The following GAS7 variants were observed in gnomAD, a reference collection of about 807,000 sequenced individuals.
The protein encoded by GAS7 is growth arrest specific 7, also known as growth arrest-specific protein 7.
A neutral mutation model predicts 71.1 loss-of-function variants in GAS7; 28 were observed. That is an observed-to-expected ratio of 0.39 (90% CI 0.29 to 0.54). The LOEUF (loss-of-function observed/expected upper bound fraction) is 0.54, where lower values mean the gene tolerates loss of function less well. GAS7 is among the 20% of genes least tolerant of loss of function. The pLI is 0.62. For missense variants in GAS7, 436 were observed against 627.8 expected, an observed-to-expected ratio of 0.69 and a Z score of 3.27; for synonymous variants, 258 against 245.8, an observed-to-expected ratio of 1.05 and a Z score of -0.46.
At chr17:10,005,108 TGTGC>T (rs1168993667) in intron 2 of GAS7, among the ~76,000 whole-genome samples, 1 of 151,570 alleles carries the variant, frequency 6.6e-6, no homozygotes, top group Non-Finnish European at 1.5e-5. Flanking sequence ...CATGCATGTG[TGTGC>T]GTGTGCACGC....
intron 1 of GAS7, among the ~76,000 whole-genome samples, chr17:10,071,254 G>A (rs2073337129): frequency 6.6e-6 from 1 of 152,118 alleles, no homozygotes; most frequent in South Asian, 2.1e-4. Flanking sequence ...ATCCCCTTGG[G>A]CAAGTGGCTT....
intron 1 of GAS7, among the ~76,000 whole-genome samples, chr17:10,156,198 C>G (rs2074203773): frequency 6.6e-6 from 1 of 152,190 alleles, no homozygotes; most frequent in South Asian, 2.1e-4. Context: ...GCAGATTTCT[C>G]CAAACCTCTA....
chr17:10,169,678 A>C (rs2074321041), intron 1 of GAS7, among the ~76,000 whole-genome samples: 1 of 151,940 alleles, frequency 6.6e-6, no homozygotes, highest in African/African-American at 2.4e-5. Context: ...CAGTCCTCTT[A>C]ATTTGGGGTG....
intron 11 of GAS7, among the ~76,000 whole-genome samples, chr17:9,922,196 AGATGATGATGAT>A (rs35613552): frequency 7.0e-5 from 7 of 100,288 alleles, no homozygotes; most frequent in Non-Finnish European, 1.5e-4. Context: ...GTGGTGATGA[AGATGATGATGAT>A]GATGATGATG....
rs567886580 is a variant in GAS7 at position 10,019,790 on chromosome 17, G to A, written c.291C>T (p.Asn97=). 18 of 1,613,864 alleles carry A rather than the reference G, an allele frequency of 1.1e-5. No homozygotes were observed. Among genetic ancestry groups the A allele is most frequent in the Middle Eastern group, 3.3e-4 (2 of 5,990 alleles). ...AGCGGGACTCACCATTGGTGGTCGT[G>A]TTGACATAGTACCGCCGGCCCTGAG... ...LSPQGRRYYV[N]TTTNETTWER... is the part of the protein sequence containing the mutation. Residue 97 remains asparagine, a synonymous_variant, in exon 2 of 14, where the codon AAC becomes AAT. Transcript: ENST00000432992.
At position 10,034,116 on chromosome 17, in the gene GAS7, C is replaced by T; in HGVS notation, c.184-14219G>A. 1 of 985,236 alleles carries T rather than the reference C, an allele frequency of 1.0e-6. No individual in the cohort carries two copies. Among genetic ancestry groups the T allele is most frequent in the East Asian group, 1.1e-4 (1 of 8,810 alleles). 61.0% of individuals were successfully genotyped at this position (985,236 alleles called of 1,614,324 possible). A position where few individuals can be genotyped will look rare whatever the true frequency, so the allele number is the denominator to read the frequency against. On this transcript the variant is annotated intron_variant, in intron 1 of 13. Coordinates refer to ENST00000432992, the MANE Select transcript of GAS7 (RefSeq NM_201433.2). The surrounding 1 kb of genome is among the most constrained non-coding windows in gnomAD (Gnocchi z 4.4). ...TATGGAGATGTGAGACCTACCACTG[C>T]TCTGTGCCACCGTGCGAAGAACACA...
At chr17:10,195,562 G>A (rs2074534680) in intron 1 of GAS7, among the ~76,000 whole-genome samples, 1 of 152,170 alleles carries the variant, frequency 6.6e-6, no homozygotes, top group Non-Finnish European at 1.5e-5. Flanking sequence ...CCATCTGTCT[G>A]TACTTGTTTC....
At chr17:10,045,895 G>C (rs1555528503) in intron 1 of GAS7, among the ~76,000 whole-genome samples, 1 of 152,016 alleles carries the variant, frequency 6.6e-6, no homozygotes, top group Non-Finnish European at 1.5e-5. Context: ...TTTTCGAACT[G>C]ACTTATATCC....
At chr17:9,971,007 T>C (rs1247250661) in intron 3 of GAS7, among the ~76,000 whole-genome samples, 1 of 152,204 alleles carries the variant, frequency 6.6e-6, no homozygotes, top group African/African-American at 2.4e-5. Flanking sequence ...GGGATAATTC[T>C]ACGTATTCTC....
At chr17:9,996,269 T>A (rs572435748) in intron 2 of GAS7, among the ~76,000 whole-genome samples, 1 of 152,216 alleles carries the variant, frequency 6.6e-6, no homozygotes, top group South Asian at 2.1e-4. Flanking sequence ...ATGTCCTTTG[T>A]AGGGACATGG....
At chr17:10,017,316 T>C (rs61226838) in intron 2 of GAS7, among the ~76,000 whole-genome samples, 30,211 of 149,598 alleles carry the variant, frequency 0.2, 3,240 homozygotes, top group Middle Eastern at 0.24. Context: ...ACGAAAATCA[T>C]CTTCCACTTT....
At chr17:10,130,686 T>C (rs2073990358) in intron 1 of GAS7, among the ~76,000 whole-genome samples, 1 of 152,138 alleles carries the variant, frequency 6.6e-6, no homozygotes, top group Admixed American at 6.5e-5. Flanking sequence ...AGAAATGAAG[T>C]CCTAATACAT....
At chr17:9,927,347 A>T (rs57941222) in intron 9 of GAS7, among the ~76,000 whole-genome samples, 1 of 145,892 alleles carries the variant, frequency 6.9e-6, no homozygotes, top group African/African-American at 2.5e-5. Flanking sequence ...ATTAGCTGGG[A>T]GTGGTGGCAG....
chr17:10,028,425 A>G (rs1301146377), intron 1 of GAS7, among the ~76,000 whole-genome samples: 1 of 152,226 alleles, frequency 6.6e-6, no homozygotes, highest in Non-Finnish European at 1.5e-5. Flanking sequence ...GTATTTTGTA[A>G]GAGCTGCACA....
intron 1 of GAS7, among the ~76,000 whole-genome samples, chr17:10,151,024 T>G (rs1359993550): frequency 6.6e-6 from 1 of 152,194 alleles, no homozygotes; most frequent in Non-Finnish European, 1.5e-5. Flanking sequence ...GAAGTTGTTG[T>G]TAGGATTAAA....
At chr17:10,191,189 G>T (rs962894969) in intron 1 of GAS7, among the ~76,000 whole-genome samples, 1 of 145,962 alleles carries the variant, frequency 6.9e-6, no homozygotes, top group Non-Finnish European at 1.5e-5. Flanking sequence ...AAAAAAAAAA[G>T]AAAGTTTCCA....
intron 1 of GAS7, among the ~76,000 whole-genome samples, chr17:10,133,122 A>ATATATATATATATATATTT (rs1392845338): frequency 4.2e-5 from 5 of 118,886 alleles, no homozygotes; most frequent in African/African-American, 1.5e-4. Context: ...ATATTTTTAT[A>ATATATATATATATATATTT]TTTTTTTTTT....
chr17:10,162,326 C>T (rs1332505979), intron 1 of GAS7, among the ~76,000 whole-genome samples: 1 of 152,120 alleles, frequency 6.6e-6, no homozygotes, highest in Non-Finnish European at 1.5e-5. Flanking sequence ...ACACTGAATC[C>T]TCTCTCTCTA....
At chr17:10,075,751 TC>T (rs1189554541) in intron 1 of GAS7, among the ~76,000 whole-genome samples, 1 of 147,970 alleles carries the variant, frequency 6.8e-6, no homozygotes, top group African/African-American at 2.5e-5. Context: ...GTTATGACTG[TC>T]CCCCTGCACT....
Sources: gnomAD v4.1 joint callset for allele counts (sites outside exome capture counted in the v4.1 genomes callset) on GRCh38, gnomAD v4.1.1 for gene constraint, Gnocchi (gnomAD v3.1) non-coding constraint, MANE v1.5 for transcripts, NCBI Gene and HGNC (gene_info 2026-07-23, HGNC 2026-07-21) for gene names.